Variants in MNAT1 observed in about 807,000 individuals in gnomAD.
The protein encoded by MNAT1 is MNAT1 component of CDK activating kinase.
MNAT1 carries 43 observed loss-of-function variants against 42.0 expected under a neutral mutation model. The observed-to-expected ratio is 1.02, with a 90% CI of 0.80 to 1.32. The LOEUF (loss-of-function observed/expected upper bound fraction) is 1.32. Among genes scored for constraint, MNAT1 ranks in the 40% most tolerant of loss-of-function variants. The pLI is 0.00. For synonymous variants in MNAT1, 118 were observed against 120.0 expected (o/e 0.98, Z 0.11); for missense variants, 306 against 350.4 (o/e 0.87, Z 1.01).
intron 7 of MNAT1, among the ~76,000 whole-genome samples, chr14:60,937,721 T>G (rs1273732294): frequency 6.6e-6 from 1 of 152,126 alleles, no homozygotes. Flanking sequence ...GGGCTCTTTT[T>G]TGGTTCCATA....
intron 6 of MNAT1, among the ~76,000 whole-genome samples, chr14:60,864,722 C>G (rs1268210180): frequency 1.3e-5 from 2 of 151,920 alleles, no homozygotes; most frequent in African/African-American, 4.8e-5. Flanking sequence ...ATATTCTGTT[C>G]TTTTCTGCAT....
At chr14:60,852,240 A>G (rs1281022500) in intron 6 of MNAT1, among the ~76,000 whole-genome samples, 1 of 152,124 alleles carries the variant, frequency 6.6e-6, no homozygotes, top group African/African-American at 2.4e-5. Flanking sequence ...CTGGTGTGAG[A>G]TGGTATCTCA....
rs1052783726 is a variant in MNAT1, at chr14:60,783,782, G to A, written c.90-12435G>A. Among the ~76,000 whole-genome samples the A allele has an allele frequency of 5.3e-5, 8 of 151,942 alleles. No individual in the cohort carries two copies. The South Asian group carries it at 6.2e-4, about 12-fold the overall frequency. On this transcript the variant is annotated intron_variant, in intron 1 of 7. Coordinates refer to ENST00000261245, the MANE Select transcript of MNAT1 (RefSeq NM_002431.4). Reference sequence around the variant, plus strand: ...CTCCCAAAGTGCTGGGATTACAGGCGTGAGCCACCGCGCCCGGCCTTTAGT... The same window carrying A: ...CTCCCAAAGTGCTGGGATTACAGGCATGAGCCACCGCGCCCGGCCTTTAGT...
intron 1 of MNAT1, among the ~76,000 whole-genome samples, chr14:60,741,313 C>T (rs1210411191): frequency 6.6e-6 from 1 of 151,966 alleles, no homozygotes; most frequent in Non-Finnish European, 1.5e-5. Context: ...GTAGCTAGGA[C>T]TACAGGTGCA....
At chr14:60,943,772 G>A (rs975182) in intron 7 of MNAT1, among the ~76,000 whole-genome samples, 138,620 of 152,210 alleles carry the variant, frequency 0.91, 63,739 homozygotes, top group Non-Finnish European at 0.99. Flanking sequence ...TAAGTTTTCA[G>A]ATTTATGCAA....
rs2036747654 is a variant in MNAT1, at chr14:60,969,703, TA to T, written c.*1357del. 6.6e-6 allele frequency: 1 copy of T among 152,214 alleles called. No homozygotes were observed. Among genetic ancestry groups the T allele is most frequent in the Non-Finnish European group, 1.5e-5 (1 of 68,028 alleles). The allele number at this position is 152,214 out of a possible 1,614,324, so 9.4% of individuals were successfully genotyped here. On this transcript the variant is annotated 3_prime_UTR_variant, in exon 8 of 8. Transcript: ENST00000261245. ...GATTAGTGTTTTTAAGTACAGTCTATAAATCTGTTCAAAGAATAGTTAGAAC... is the reference window on the plus strand; with the variant it reads ...GATTAGTGTTTTTAAGTACAGTCTATAATCTGTTCAAAGAATAGTTAGAAC...
chr14:60,841,093 G>A (rs2033537369), intron 6 of MNAT1, among the ~76,000 whole-genome samples: 1 of 152,084 alleles, frequency 6.6e-6, no homozygotes, highest in South Asian at 2.1e-4. Context: ...GTTACTTGAT[G>A]TTAAAATTTC....
At chr14:60,780,507 A>C in intron 1 of MNAT1, 2 of 1,516,524 alleles carry the variant, frequency 1.3e-6, no homozygotes, top group Admixed American at 3.3e-5. Flanking sequence ...TTTATTACCA[A>C]TTCTGAGGAA....
At chr14:60,875,511 C>T (rs2034417928) in intron 6 of MNAT1, among the ~76,000 whole-genome samples, 1 of 152,072 alleles carries the variant, frequency 6.6e-6, no homozygotes, top group Admixed American at 6.6e-5. Context: ...TTTCCTCATT[C>T]ATAAAGTATG....
At chr14:60,796,836 G>A (rs1371952431) in intron 2 of MNAT1, among the ~76,000 whole-genome samples, 1 of 152,124 alleles carries the variant, frequency 6.6e-6, no homozygotes, top group African/African-American at 2.4e-5. Flanking sequence ...ACTCAGTGTT[G>A]CTGTGGTCAA....
intron 1 of MNAT1, among the ~76,000 whole-genome samples, chr14:60,742,029 T>C (rs1896484636): frequency 6.6e-6 from 1 of 152,076 alleles, no homozygotes; most frequent in African/African-American, 2.4e-5. Flanking sequence ...TTTGAAATAA[T>C]TGGATTTTTT....
intron 1 of MNAT1, among the ~76,000 whole-genome samples, chr14:60,738,128 A>G (rs1896361522): frequency 6.6e-6 from 1 of 150,542 alleles, no homozygotes; most frequent in Non-Finnish European, 1.5e-5. Flanking sequence ...CAACAACTGT[A>G]TGGAGATTCC....
At chr14:60,961,542 A>G (rs979247623) in intron 7 of MNAT1, among the ~76,000 whole-genome samples, 3 of 152,114 alleles carry the variant, frequency 2.0e-5, no homozygotes, top group Non-Finnish European at 4.4e-5. Context: ...TCATTTTTTT[A>G]GGGAAACCTG....
rs886111317 is a variant in MNAT1, at chr14:60,888,262, G to A, written c.809+8427G>A. Among the ~76,000 whole-genome samples the A allele has an allele frequency of 7.9e-5, 12 of 151,194 alleles. No homozygotes were observed. The South Asian group carries it at 1.1e-3, about 13-fold the overall frequency. ...AAGCTTATCCACCATGATCAAGTGG[G>A]CTTCATCCCTGGGATGCAAGGCTGG... On this transcript the variant is annotated intron_variant, in intron 7 of 7. Transcript: ENST00000261245.
At chr14:60,844,287 T>C (rs12895213) in intron 6 of MNAT1, among the ~76,000 whole-genome samples, 6,525 of 152,232 alleles carry the variant, frequency 0.043, 184 homozygotes, top group Non-Finnish European at 0.066. Context: ...ATAATTGATA[T>C]TCTGATTGGA....
At chr14:60,822,281 A>C (rs951062439) in intron 6 of MNAT1, among the ~76,000 whole-genome samples, 5 of 152,214 alleles carry the variant, frequency 3.3e-5, no homozygotes, top group Non-Finnish European at 7.3e-5. Flanking sequence ...GAGATGTAAA[A>C]GTTTTTGAAG....
chr14:60,793,058 G>T (rs936935903), intron 1 of MNAT1, among the ~76,000 whole-genome samples: 16 of 150,002 alleles, frequency 1.1e-4, no homozygotes, highest in African/African-American at 3.9e-4. Flanking sequence ...TTGCTCTGTC[G>T]CCCAGACTGG....
chr14:60,860,495 G>A (rs2034071660), intron 6 of MNAT1, among the ~76,000 whole-genome samples: 1 of 151,376 alleles, frequency 6.6e-6, no homozygotes, highest in Non-Finnish European at 1.5e-5. Flanking sequence ...TGGGACTACA[G>A]GCACCCACCA....
chr14:60,861,453 T>C (rs2034092594), intron 6 of MNAT1, among the ~76,000 whole-genome samples: 1 of 152,160 alleles, frequency 6.6e-6, no homozygotes. Flanking sequence ...TATTTGGCAC[T>C]ATGTATGAAC....
Sources: allele counts gnomAD v4.1 joint callset (sites outside exome capture counted in the v4.1 genomes callset), GRCh38; gene constraint gnomAD v4.1.1; transcripts MANE v1.5; gene names NCBI Gene and HGNC (gene_info 2026-07-23, HGNC 2026-07-21).